Variants in ZNF112 observed in about 807,000 individuals in gnomAD.
The protein encoded by ZNF112 is zinc finger protein 112 (Y14).
Under a neutral mutation model 77.7 loss-of-function variants are expected in ZNF112, and 37 were observed. The ratio of observed to expected loss-of-function variants is 0.48; its 90% CI spans 0.37 to 0.63. The LOEUF (loss-of-function observed/expected upper bound fraction) is 0.63, where lower values mean the gene tolerates loss of function less well. Ranked by LOEUF, ZNF112 falls within the 20% of genes least tolerant of loss-of-function variation. The probability of loss-of-function intolerance (pLI) is 0.00; values close to 1 mark genes in which losing one functional copy is unlikely to be tolerated. For synonymous variants in ZNF112, 333 were observed against 363.6 expected (o/e 0.92, Z 0.96); for missense variants, 950 against 1,077.4 (o/e 0.88, Z 1.66).
intron 1 of ZNF112, among the ~76,000 whole-genome samples, chr19:44,350,239 T>C (rs903284223): frequency 2.6e-5 from 4 of 152,094 alleles, no homozygotes; most frequent in African/African-American, 7.2e-5. Context: ...ATCTATCATG[T>C]GCTATTGAAC....
chr19:44,367,198 G>T, exon 1 of ZNF112: 1 of 454,162 alleles, frequency 2.2e-6, no homozygotes, highest in South Asian at 1.6e-5. Flanking sequence ...CTTCCTGAAA[G>T]GAATGATGAC....
upstream of ZNF112, among the ~76,000 whole-genome samples, chr19:44,358,156 G>GAA (rs59023124): frequency 2.8e-4 from 36 of 130,402 alleles, no homozygotes; most frequent in South Asian, 5.7e-3. Flanking sequence ...CGTCTCAAAA[G>GAA]AAAAAAAAAA....
chr19:44,364,952 T>C (rs1170824741), intron 1 of ZNF112, among the ~76,000 whole-genome samples: 1 of 152,174 alleles, frequency 6.6e-6, no homozygotes, highest in Non-Finnish European at 1.5e-5. Flanking sequence ...AATTTCTTTG[T>C]CTTGTTTGGT....
intron 1 of ZNF112, chr19:44,343,256 G>A: frequency 6.2e-7 from 1 of 1,613,552 alleles, no homozygotes; most frequent in South Asian, 1.1e-5. Flanking sequence ...CAGCTCACCT[G>A]GAATTTGGTC....
At position 44,329,036 on chromosome 19, in the gene ZNF112, A is replaced by G. The variant is rs752862219; in HGVS notation, c.1121T>C (p.Val374Ala). The change falls in exon 4 of 4, where the codon GTC (valine) becomes GCC (alanine). Residue 374 changes from valine to alanine, a missense_variant. This residue lies in a region of ZNF112 where 560 missense variants were observed against 557.3 expected (regional missense o/e 1.00). Transcript: ENST00000354340. The stretch of plus-strand genomic sequence containing the variant: ...TTCATGGGGTTCATCCCTAGTATGG[A>G]CCCTAAAAATACTATTAAGGTCTAA... ...HSLDLNSIFR[V>A]HTRDEPHEYE... 1.2e-5 allele frequency: 19 copies of G among 1,613,750 alleles called. No homozygotes were observed. The African/African-American group carries it at 2.1e-4, about 18-fold the overall frequency.
At chr19:44,360,322 A>G (rs1970843855), upstream of ZNF112, among the ~76,000 whole-genome samples, 1 of 152,026 alleles carries the variant, frequency 6.6e-6, no homozygotes, top group Non-Finnish European at 1.5e-5. Context: ...TCATAAATAT[A>G]CTTTCAAAAA....
At chr19:44,342,821 A>G (rs571703632) in intron 1 of ZNF112, among the ~76,000 whole-genome samples, 3 of 151,908 alleles carry the variant, frequency 2.0e-5, no homozygotes, top group Admixed American at 2.0e-4. Flanking sequence ...TCTCAAAAAA[A>G]AAAAAGAAAA....
At chr19:44,333,925 T>G (rs1970317286) in intron 3 of ZNF112, among the ~76,000 whole-genome samples, 1 of 152,152 alleles carries the variant, frequency 6.6e-6, no homozygotes, top group South Asian at 2.1e-4. Flanking sequence ...GGGCAGAGGT[T>G]GTAATAATTT....
chr19:44,344,247 G>A (rs1970545495), intron 1 of ZNF112, among the ~76,000 whole-genome samples: 2 of 152,300 alleles, frequency 1.3e-5, no homozygotes, highest in South Asian at 4.1e-4. Context: ...GTGAAAAGCA[G>A]CTCAGTGCTT....
In ZNF112 at chr19:44,328,900, A is replaced by G. The variant is rs201354467; in HGVS notation, c.1257T>C (p.Ile419=). 17 of 1,613,976 alleles carry G rather than the reference A, an allele frequency of 1.1e-5. No individual in the cohort carries two copies. Among genetic ancestry groups the G allele is most frequent in the East Asian group, 6.7e-5 (3 of 44,868 alleles). Residue 419 remains isoleucine (I), a synonymous_variant, in exon 4 of 4, where the codon ATT becomes ATC. Transcript: ENST00000354340. ...GCTGAATGTCAAGATTTGAACTACA[A>G]ATGAAACTCTTTCCATACTCTATAT... ...YTDIEYGKSF[I]CSSNLDIQHR...
chr19:44,328,482 T>A lies in ZNF112; in HGVS notation c.1675A>T (p.Ser559Cys). Residue 559 changes from serine to cysteine, a missense_variant, in exon 4 of 4, where the codon AGT (serine) becomes TGT (cysteine). Physicochemically the swap from Ser to Cys is moderately radical, Grantham distance 112 (BLOSUM62 -1). Around this residue, in one of 3 missense-constraint regions of ZNF112, gnomAD observed 373 missense variants for 482.8 expected, o/e 0.77. Coordinates refer to ENST00000354340, the MANE Select transcript of ZNF112 (RefSeq NM_013380.4). Reference protein sequence around the residue: ...CEECDKGFSRSSYLQAHQRVH... With the variant: ...CEECDKGFSRCSYLQAHQRVH... ...CTCTGATGGGCTTGAAGATATGAACTCCGACTGAATCCCTTATCACATTCC... is the reference window on the plus strand; with the variant it reads ...CTCTGATGGGCTTGAAGATATGAACACCGACTGAATCCCTTATCACATTCC... 1.9e-6 allele frequency: 3 copies of A among 1,613,392 alleles called. No individual in the cohort carries two copies. The highest frequency in any genetic ancestry group is 2.5e-6 in the Non-Finnish European group (3 of 1,179,676).
chr19:44,351,602 A>G (rs909987772), intron 1 of ZNF112, among the ~76,000 whole-genome samples: 2 of 152,112 alleles, frequency 1.3e-5, no homozygotes, highest in African/African-American at 4.8e-5. Context: ...AATTTTGTCA[A>G]TTAAAGTTTC....
At chr19:44,340,669 A>G (rs2123175914) in intron 1 of ZNF112, 127 bp from the exon 2 acceptor site, 1 of 1,342,526 alleles carries the variant, frequency 7.4e-7, no homozygotes, top group Non-Finnish European at 1.0e-6. Context: ...TCTTCTGTTT[A>G]CCTTCTGTAA....
intron 1 of ZNF112, among the ~76,000 whole-genome samples, chr19:44,344,056 G>C (rs79586796): frequency 1.3e-5 from 2 of 152,170 alleles, no homozygotes; most frequent in African/African-American, 4.8e-5. Context: ...GAGCTCAGGG[G>C]AAGTTCAGTG....
At chr19:44,358,768 T>A (rs1970824391), upstream of ZNF112, among the ~76,000 whole-genome samples, 1 of 152,200 alleles carries the variant, frequency 6.6e-6, no homozygotes. Flanking sequence ...GATTCATGTG[T>A]GCATTTAATA....
chr19:44,363,710 G>T (rs1048149942), intron 1 of ZNF112, among the ~76,000 whole-genome samples: 4 of 152,126 alleles, frequency 2.6e-5, no homozygotes, highest in African/African-American at 9.7e-5. Context: ...TATGAATAAA[G>T]ATCCTGCAGC....
At chr19:44,341,564 A>T (rs1287393964) in intron 1 of ZNF112, among the ~76,000 whole-genome samples, 1 of 152,236 alleles carries the variant, frequency 6.6e-6, no homozygotes, top group Non-Finnish European at 1.5e-5. Context: ...TTTTTAAAAA[A>T]ATCTTTCATA....
intron 1 of ZNF112, chr19:44,367,029 A>T (rs1047260610): frequency 1.8e-5 from 8 of 454,808 alleles, no homozygotes; most frequent in Non-Finnish European, 3.1e-5. Flanking sequence ...AATACAAGAG[A>T]TCCTCAACCC....
At chr19:44,349,378 A>G (rs1970652703) in intron 1 of ZNF112, among the ~76,000 whole-genome samples, 1 of 152,004 alleles carries the variant, frequency 6.6e-6, no homozygotes. Flanking sequence ...AAAAAAAAAC[A>G]GAAAAACAGA....
Sources: gnomAD v4.1 joint callset for allele counts (sites outside exome capture counted in the v4.1 genomes callset) on GRCh38, gnomAD v4.1.1 for gene constraint, gnomAD v4.1.1 regional missense constraint, MANE v1.5 for transcripts, NCBI Gene and HGNC (gene_info 2026-07-23, HGNC 2026-07-21) for gene names.